The following GLUD1 variants were observed in gnomAD, a reference collection of about 807,000 sequenced individuals.
The protein encoded by GLUD1 is glutamate dehydrogenase 1.
Under a neutral mutation model 56.0 loss-of-function variants are expected in GLUD1, and 22 were observed. The observed-to-expected ratio is 0.39, with a 90% CI of 0.28 to 0.56. The LOEUF (loss-of-function observed/expected upper bound fraction) is 0.56, where lower values mean the gene tolerates loss of function less well. Ranked by LOEUF, GLUD1 falls within the 20% of genes least tolerant of loss-of-function variation. The probability of loss-of-function intolerance (pLI) is 0.58; values close to 1 mark genes in which losing one functional copy is unlikely to be tolerated. For missense variants in GLUD1, 451 were observed against 732.0 expected, an observed-to-expected ratio of 0.62 and a Z score of 4.43; for synonymous variants, 223 against 269.9, an observed-to-expected ratio of 0.83 and a Z score of 1.70.
rs1846306790 is a variant in GLUD1 at position 87,073,818 on chromosome 10, A to G, written c.646+733T>C. Among the ~76,000 whole-genome samples, 4 of 151,732 alleles carry G rather than the reference A, an allele frequency of 2.6e-5. No homozygotes were observed. In the South Asian group the frequency reaches 8.3e-4, roughly 32 times the overall value. On this transcript the variant is annotated intron_variant, in intron 4 of 12. Transcript: ENST00000277865. ...TGTTTTTAGTAGAGATGGGATTCCT[A>G]CTAAACCCCGTTAGCCAGAATGGTC...
At chr10:87,060,648 A>C (rs765733307) in intron 8 of GLUD1, 40 bp downstream of exon 8, 7 of 1,613,308 alleles carry the variant, frequency 4.3e-6, no homozygotes, top group Non-Finnish European at 5.9e-6. Context: ...AACGTCATTC[A>C]CATTGATAAT....
rs201593284 is a variant in GLUD1, at chr10:87,094,529, C to G, written c.241G>C (p.Val81Leu). Residue 81 changes from valine to leucine, a missense_variant, in exon 1 of 13, where the codon GTG becomes CTG. Coordinates refer to ENST00000277865, the MANE Select transcript of GLUD1 (RefSeq NM_005271.5). The surrounding 1 kb of genome is among the most constrained non-coding windows in gnomAD (Gnocchi z 6.6). ...EGFFDRGASI[V>L]EDKLVEDLRT... ...AGGTCCTCCACCAGCTTGTCCTCCACGATGCTGGCGCCGCGATCGAAGAAG... is the reference window on the plus strand; with the variant it reads ...AGGTCCTCCACCAGCTTGTCCTCCAGGATGCTGGCGCCGCGATCGAAGAAG... 1 of 1,612,788 alleles carries G rather than the reference C, an allele frequency of 6.2e-7. No individual in the cohort carries two copies. Among genetic ancestry groups the G allele is most frequent in the African/African-American group, 1.3e-5 (1 of 75,016 alleles).
intron 1 of GLUD1, among the ~76,000 whole-genome samples, chr10:87,077,016 G>C (rs1233915234): frequency 1.3e-5 from 2 of 151,896 alleles, no homozygotes; most frequent in South Asian, 2.1e-4. Flanking sequence ...TTTTTTTTGG[G>C]GGGGTAGGGG....
chr10:87,067,233 T>A (rs1276966084), intron 5 of GLUD1, among the ~76,000 whole-genome samples: 1 of 152,210 alleles, frequency 6.6e-6, no homozygotes, highest in Non-Finnish European at 1.5e-5. Context: ...ATTTACCTCT[T>A]CATTCTTACT....
rs1374229738 is a variant in GLUD1, at chr10:87,063,064, TTTTTG to T, written c.742-234_742-230del. Among the ~76,000 whole-genome samples, 141 of 134,716 alleles carry T rather than the reference TTTTTG, an allele frequency of 1.0e-3. No homozygotes were observed. The Middle Eastern group carries it at 0.021, about 20-fold the overall frequency. 88.4% of individuals were successfully genotyped at this position (134,716 alleles called of 152,430 possible). On this transcript the variant is annotated intron_variant, in intron 5 of 12. Transcript: ENST00000277865. ...AAATATACTATATTTTCTGTTTTTT[TTTTTG>T]TTTGTTTGTTTGTTTGTTTTTGAGA...
At position 87,094,315 on chromosome 10, in the gene GLUD1, C is replaced by T. The variant is rs1243231674; in HGVS notation, c.445+10G>A. On this transcript the variant is annotated intron_variant, in intron 1 of 12. Coordinates refer to ENST00000277865, the MANE Select transcript of GLUD1 (RefSeq NM_005271.5). The surrounding 1 kb of genome is among the most constrained non-coding windows in gnomAD (Gnocchi z 6.6). ...CAGGGAGGGCGGGACGGGGCCCGGC[C>T]GACGCTCACCTCCCTTGCAGGGCGT... 1 of 1,600,198 alleles carries T rather than the reference C, an allele frequency of 6.2e-7. No homozygotes were observed. Among genetic ancestry groups the T allele is most frequent in the Admixed American group, 1.7e-5 (1 of 57,988 alleles).
chr10:87,061,294 G>A, intron 6 of GLUD1: 1 of 618,842 alleles, frequency 1.6e-6, no homozygotes, highest in South Asian at 1.5e-5. Flanking sequence ...GGCTGAGGCA[G>A]GTGGATCACT....
chr10:87,094,028 A>T lies in GLUD1; in HGVS notation c.445+297T>A, dbSNP rs1357542651. 2.0e-6 allele frequency: 3 copies of T among 1,487,896 alleles called. No individual in the cohort carries two copies. Among genetic ancestry groups the T allele is most frequent in the African/African-American group, 2.8e-5 (2 of 71,948 alleles). The allele number at this position is 1,487,896 out of a possible 1,614,324, so 92.2% of individuals were successfully genotyped here. A position where few individuals can be genotyped will look rare whatever the true frequency, so the allele number is the denominator to read the frequency against. ...GCAGGACCCGCCGTGTGTGACACAG[A>T]CACCGGGACCAAAAGGAGACCGGTG... On this transcript the variant is annotated intron_variant, in intron 1 of 12. Transcript: ENST00000277865. The surrounding 1 kb of genome is among the most constrained non-coding windows in gnomAD (Gnocchi z 6.6).
chr10:87,076,915 A>G (rs1316249956), intron 1 of GLUD1, among the ~76,000 whole-genome samples: 1 of 151,912 alleles, frequency 6.6e-6, no homozygotes, highest in Non-Finnish European at 1.5e-5. Flanking sequence ...CCTGCAATGA[A>G]TTTCTGTACA....
At chr10:87,084,615 C>T (rs908203236) in intron 1 of GLUD1, among the ~76,000 whole-genome samples, 1 of 152,126 alleles carries the variant, frequency 6.6e-6, no homozygotes, top group Admixed American at 6.5e-5. Context: ...ATTAACAAAA[C>T]ATTTATGAAA....
chr10:87,086,731 T>G (rs962982954), intron 1 of GLUD1, among the ~76,000 whole-genome samples: 1 of 147,176 alleles, frequency 6.8e-6, no homozygotes, highest in Non-Finnish European at 1.5e-5. Flanking sequence ...CTCAGGAGGC[T>G]GAGGCAGGAG....
intron 1 of GLUD1, among the ~76,000 whole-genome samples, chr10:87,079,852 G>T (rs961230347): frequency 6.6e-6 from 1 of 151,632 alleles, no homozygotes; most frequent in East Asian, 1.9e-4. Flanking sequence ...AAATTCACAG[G>T]AAATAGTAAA....
intron 1 of GLUD1, among the ~76,000 whole-genome samples, chr10:87,078,913 AG>A (rs1841127705): frequency 6.6e-6 from 1 of 152,194 alleles, no homozygotes; most frequent in Non-Finnish European, 1.5e-5. Flanking sequence ...CTGAGGTGGG[AG>A]GATCACTTGA....
intron 12 of GLUD1, among the ~76,000 whole-genome samples, chr10:87,052,403 G>A (rs780156416): frequency 1.2e-4 from 19 of 152,242 alleles, no homozygotes; most frequent in Non-Finnish European, 1.9e-4. Flanking sequence ...AAGGAGAATT[G>A]CTTGAAGCCA....
chr10:87,057,598 C>G, intron 11 of GLUD1, 93 bp downstream of exon 11: 1 of 791,676 alleles, frequency 1.3e-6, no homozygotes, highest in Non-Finnish European at 2.3e-6. Flanking sequence ...ATTACAAAGA[C>G]TATGCCGCAG....
At chr10:87,059,573 T>C (rs1248668378) in intron 9 of GLUD1, among the ~76,000 whole-genome samples, 2 of 152,230 alleles carry the variant, frequency 1.3e-5, no homozygotes, top group African/African-American at 4.8e-5. Context: ...TCAGACTAAA[T>C]GGCTTGCCCA....
intron 1 of GLUD1, chr10:87,089,478 G>A (rs1841462994): frequency 4.1e-6 from 1 of 244,838 alleles, no homozygotes; most frequent in Non-Finnish European, 6.5e-6. Flanking sequence ...ATAAGGCATA[G>A]AACTGATGAT....
At chr10:87,058,678 G>A (rs930360139) in intron 10 of GLUD1, among the ~76,000 whole-genome samples, 2 of 152,148 alleles carry the variant, frequency 1.3e-5, no homozygotes, top group Non-Finnish European at 2.9e-5. Flanking sequence ...GGATCATGAG[G>A]TCAGGAGATC....
intron 12 of GLUD1, among the ~76,000 whole-genome samples, chr10:87,052,668 T>TA (rs1285140190): frequency 2.0e-3 from 33 of 16,540 alleles, no homozygotes; most frequent in African/African-American, 2.5e-3. Flanking sequence ...AAACTCCGTC[T>TA]CAAAAAAAAA....
Sources: gnomAD v4.1 joint callset for allele counts (sites outside exome capture counted in the v4.1 genomes callset) on GRCh38, gnomAD v4.1.1 for gene constraint, Gnocchi (gnomAD v3.1) non-coding constraint, MANE v1.5 for transcripts, NCBI Gene and HGNC (gene_info 2026-07-23, HGNC 2026-07-21) for gene names.